Variants in ZNF678 observed in about 807,000 individuals in gnomAD.
ZNF678 encodes the protein hypothetical protein MGC42493.
A neutral mutation model predicts 3.0 loss-of-function variants in ZNF678; 5 were observed. That is an observed-to-expected ratio of 1.69 (90% CI 0.88 to 3.56). ZNF678 has a LOEUF of 3.56. Among genes scored for constraint, ZNF678 ranks in the 30% most tolerant of loss-of-function variants. The probability of loss-of-function intolerance (pLI) is 0.00; values close to 1 mark genes in which losing one functional copy is unlikely to be tolerated. For missense variants in ZNF678, 593 were observed against 605.0 expected (o/e 0.98, Z 0.21); for synonymous variants, 218 against 199.6 (o/e 1.09, Z -0.78).
intron 1 of ZNF678, among the ~76,000 whole-genome samples, chr1:227,610,028 C>T (rs1657976694): frequency 2.6e-5 from 4 of 152,224 alleles, no homozygotes; most frequent in South Asian, 2.1e-4. Flanking sequence ...CCACCGCGCT[C>T]GACCCTCCTT....
chr1:227,646,713 G>A (rs368210514), intron 2 of ZNF678, 43 bp downstream of exon 2: 28 of 1,345,714 alleles, frequency 2.1e-5, no homozygotes, highest in Non-Finnish European at 2.5e-5. Context: ...TTCATACTAC[G>A]GATTCCATAT....
intron 1 of ZNF678, among the ~76,000 whole-genome samples, chr1:227,641,018 G>A (rs997452294): frequency 6.6e-6 from 1 of 152,244 alleles, no homozygotes; most frequent in Non-Finnish European, 1.5e-5. Context: ...TCAGACCGGA[G>A]AAATCAAGAG....
chr1:227,630,911 T>C (rs530136488), intron 1 of ZNF678, among the ~76,000 whole-genome samples: 85 of 152,292 alleles, frequency 5.6e-4, no homozygotes, highest in African/African-American at 1.9e-3. Context: ...TTTGAACATA[T>C]GGCACTTCAC....
intron 1 of ZNF678, among the ~76,000 whole-genome samples, chr1:227,593,975 C>T (rs890931116): frequency 1.3e-4 from 19 of 150,296 alleles, no homozygotes; most frequent in African/African-American, 2.4e-4. Context: ...TTGATGAGAA[C>T]GTGATCTTCA....
Position 227,569,876 on chromosome 1 carries a change from T to G in ZNF678, c.-164+6152T>G, listed in dbSNP as rs141596819. 4.7e-3 allele frequency among the ~76,000 whole-genome samples: 712 copies of G among 152,364 alleles called. 6 individuals are homozygous for G. The highest frequency in any genetic ancestry group is 0.016 in the African/African-American group (682 of 41,582). On this transcript the variant is annotated intron_variant, in intron 1 of 3. Coordinates refer to ENST00000343776, the MANE Select transcript of ZNF678 (RefSeq NM_001367909.1). ...ATAGACTTGCATTGGTGTTTGTGCATTTGGAGGAGCAAACACCTCTTTTCA... is the reference window on the plus strand; with the variant it reads ...ATAGACTTGCATTGGTGTTTGTGCAGTTGGAGGAGCAAACACCTCTTTTCA...
chr1:227,588,930 C>T (rs1408187635), intron 1 of ZNF678, among the ~76,000 whole-genome samples: 1 of 150,600 alleles, frequency 6.6e-6, no homozygotes, highest in African/African-American at 2.5e-5. Flanking sequence ...TTATTGGCTG[C>T]ATGTATGTCT....
intron 2 of ZNF678, among the ~76,000 whole-genome samples, 163 bp downstream of exon 2, chr1:227,646,833 C>A (rs957743047): frequency 2.6e-5 from 4 of 152,168 alleles, no homozygotes; most frequent in African/African-American, 9.7e-5. Context: ...ATAAAATCTT[C>A]AAAATGTTTC....
At chr1:227,672,171 G>A (rs929503290) in intron 5 of ZNF678, among the ~76,000 whole-genome samples, 1 of 152,142 alleles carries the variant, frequency 6.6e-6, no homozygotes, top group Non-Finnish European at 1.5e-5. Context: ...TTTATTCCAG[G>A]TGATGTAAAT....
chr1:227,651,514 G>C (rs889759695), intron 3 of ZNF678, among the ~76,000 whole-genome samples: 1 of 152,156 alleles, frequency 6.6e-6, no homozygotes, highest in African/African-American at 2.4e-5. Context: ...TCTCTGACTG[G>C]GTAGGACCTC....
At position 227,654,642 on chromosome 1, in the gene ZNF678, G is replaced by A. The variant is rs770966407; in HGVS notation, c.392G>A (p.Gly131Asp). The A allele has an allele frequency of 3.1e-6, 5 of 1,613,248 alleles. No homozygotes were observed. The highest frequency in any genetic ancestry group is 2.2e-5 in the South Asian group (2 of 91,038). Residue 131 changes from glycine (G) to aspartate (D), a missense_variant, in exon 4 of 4, where the codon GGC (glycine) becomes GAC (aspartate). Transcript: ENST00000343776. Reference protein sequence around the residue: ...GEKPYKCEECGKVFNRCSNLT... With the variant: ...GEKPYKCEECDKVFNRCSNLT... ...AAGCCATACAAATGTGAAGAATGTG[G>A]CAAAGTTTTCAATCGATGTTCAAAC... is the stretch of plus-strand genomic sequence containing the variant.
intron 1 of ZNF678, among the ~76,000 whole-genome samples, chr1:227,624,632 G>A (rs1264626972): frequency 6.6e-6 from 1 of 152,200 alleles, no homozygotes; most frequent in East Asian, 1.9e-4. Context: ...TCCAAGGAAT[G>A]GAACCTTGGG....
intron 3 of ZNF678, among the ~76,000 whole-genome samples, chr1:227,651,573 A>G (rs1659093928): frequency 2.0e-5 from 3 of 152,200 alleles, no homozygotes; most frequent in South Asian, 4.1e-4. Flanking sequence ...GTGTTACTTC[A>G]GAATTCTAAG....
At chr1:227,673,381 T>C (rs1659632594) in intron 5 of ZNF678, among the ~76,000 whole-genome samples, 1 of 152,214 alleles carries the variant, frequency 6.6e-6, no homozygotes, top group African/African-American at 2.4e-5. Context: ...AGTGCCATCA[T>C]CTAATTCCAT....
At chr1:227,598,809 G>C in intron 1 of ZNF678, 1 of 562,288 alleles carries the variant, frequency 1.8e-6, no homozygotes, top group Non-Finnish European at 3.3e-6. Flanking sequence ...TTCACAATCA[G>C]AAGAACTGCT....
chr1:227,603,559 G>A (rs1001856099), intron 1 of ZNF678, among the ~76,000 whole-genome samples: 3 of 152,174 alleles, frequency 2.0e-5, no homozygotes, highest in African/African-American at 7.2e-5. Flanking sequence ...CTGTAGTCCT[G>A]CTAGTATGTA....
At chr1:227,629,745 C>T (rs115167027) in intron 1 of ZNF678, among the ~76,000 whole-genome samples, 422 of 152,304 alleles carry the variant, frequency 2.8e-3, no homozygotes, top group African/African-American at 9.6e-3. Context: ...CCCTGGGGTG[C>T]GGTGGGCCTT....
At chr1:227,563,777 A>G (rs1046586131) in intron 1 of ZNF678, 53 bp downstream of exon 1, 1 of 1,301,774 alleles carries the variant, frequency 7.7e-7, no homozygotes, top group South Asian at 1.2e-5. Flanking sequence ...TCCCGGCGTC[A>G]GCACTAGAGT....
intron 1 of ZNF678, among the ~76,000 whole-genome samples, chr1:227,603,391 G>A (rs961618792): frequency 3.9e-5 from 6 of 152,190 alleles, no homozygotes; most frequent in Non-Finnish European, 8.8e-5. Flanking sequence ...TGTGTTACTT[G>A]TTTTACTACC....
At chr1:227,599,655 AT>A (rs1402251001) in intron 1 of ZNF678, among the ~76,000 whole-genome samples, 3 of 151,636 alleles carry the variant, frequency 2.0e-5, no homozygotes, top group African/African-American at 4.8e-5. Context: ...CTATTAGAGA[AT>A]TTTTTTTTCC....
Sources: gnomAD v4.1 joint callset for allele counts (sites outside exome capture counted in the v4.1 genomes callset) on GRCh38, gnomAD v4.1.1 for gene constraint, MANE v1.5 for transcripts, NCBI Gene and HGNC (gene_info 2026-07-23, HGNC 2026-07-21) for gene names.